Variants in EMB observed in about 807,000 individuals in gnomAD.
The protein encoded by EMB is embigin homolog.
EMB carries 31 observed loss-of-function variants against 41.4 expected under a neutral mutation model. The observed-to-expected ratio is 0.75, with a 90% confidence interval of 0.56 to 1.01. EMB has a LOEUF of 1.01. Among genes scored for constraint, EMB ranks in the 50% least tolerant of loss-of-function variants. EMB has a pLI of 0.00. For missense variants in EMB, 379 were observed against 388.3 expected (o/e 0.98, Z 0.20); for synonymous variants, 137 against 140.4 (o/e 0.98, Z 0.17).
At chr5:50,433,657 T>C (rs765690831) in intron 1 of EMB, among the ~76,000 whole-genome samples, 7 of 152,214 alleles carry the variant, frequency 4.6e-5, no homozygotes, top group South Asian at 2.1e-4. Flanking sequence ...CTTGTCACAA[T>C]TGGGGGAAGA....
At chr5:50,411,908 G>C (rs1054640773) in intron 2 of EMB, 15 of 152,078 alleles carry the variant, frequency 9.9e-5, no homozygotes, top group African/African-American at 3.6e-4. Flanking sequence ...GTAAGGACTG[G>C]ATATAGACAT....
chr5:50,433,903 C>A (rs1284168227), intron 1 of EMB, among the ~76,000 whole-genome samples: 1 of 152,192 alleles, frequency 6.6e-6, no homozygotes, highest in Non-Finnish European at 1.5e-5. Flanking sequence ...GCAACCTTGG[C>A]ATTCCTTGGC....
At chr5:50,408,123 G>A (rs546549388) in intron 4 of EMB, among the ~76,000 whole-genome samples, 25 of 151,966 alleles carry the variant, frequency 1.6e-4, no homozygotes, top group Non-Finnish European at 4.4e-5. Flanking sequence ...TACTTCCAGG[G>A]GAAGACAGAT....
chr5:50,399,690 G>A (rs935875371), intron 8 of EMB, among the ~76,000 whole-genome samples, 169 bp downstream of exon 8: 30 of 151,958 alleles, frequency 2.0e-4, no homozygotes, highest in African/African-American at 6.7e-4. Context: ...ATTTATTTTT[G>A]TATAACTATA....
At chr5:50,424,065 T>C (rs1205209089) in intron 2 of EMB, among the ~76,000 whole-genome samples, 1 of 152,180 alleles carries the variant, frequency 6.6e-6, no homozygotes, top group African/African-American at 2.4e-5. Flanking sequence ...CCTTGTTTTT[T>C]ATATTTTTGT....
chr5:50,443,020 T>A (rs1745939771), upstream of EMB: 1 of 151,990 alleles, frequency 6.6e-6, no homozygotes, highest in South Asian at 2.1e-4. Flanking sequence ...GAAATATAAT[T>A]CTCATTTTGC....
At chr5:50,435,980 G>A (rs1457028672) in intron 1 of EMB, among the ~76,000 whole-genome samples, 1 of 151,944 alleles carries the variant, frequency 6.6e-6, no homozygotes, top group Non-Finnish European at 1.5e-5. Context: ...GATGTTCTAG[G>A]CTTATCTGCT....
Position 50,396,930 on chromosome 5 carries a change from C to A in EMB, c.*2343G>T, listed in dbSNP as rs1209428259. On this transcript the variant is annotated 3_prime_UTR_variant, in exon 9 of 9. Coordinates refer to ENST00000303221, the MANE Select transcript of EMB (RefSeq NM_198449.3). Reference sequence around the variant, plus strand: ...GAAGAAGAAAATATCAGAATGAGTTCTAAATTAGGGCCTGAGCAGCTAGAT... The same window carrying A: ...GAAGAAGAAAATATCAGAATGAGTTATAAATTAGGGCCTGAGCAGCTAGAT... The A allele has an allele frequency of 6.6e-6, 1 of 151,934 alleles. No individual in the cohort carries two copies. The highest frequency in any genetic ancestry group is 1.5e-5 in the Non-Finnish European group (1 of 67,992). The allele number at this position is 151,934 out of a possible 1,614,324, so 9.4% of individuals were successfully genotyped here.
rs1308448867 is a variant in EMB at position 50,398,634 on chromosome 5, T to C, written c.*639A>G. ...TATGAGTGGAATAAAGACTGGAAAA[T>C]TTGCTTTTGTAGTGCAGAGCTTTAG... On this transcript the variant is annotated 3_prime_UTR_variant, in exon 9 of 9. Coordinates refer to ENST00000303221, the MANE Select transcript of EMB (RefSeq NM_198449.3). The C allele has an allele frequency of 2.6e-5, 4 of 151,982 alleles. No homozygotes were observed. The highest frequency in any genetic ancestry group is 9.7e-5 in the African/African-American group (4 of 41,400). 9.4% of individuals were successfully genotyped at this position (151,982 alleles called of 1,614,324 possible). A position where few individuals can be genotyped will look rare whatever the true frequency, so the allele number is the denominator to read the frequency against.
intron 1 of EMB, chr5:50,428,829 G>A: frequency 1.5e-6 from 1 of 666,842 alleles, no homozygotes; most frequent in Non-Finnish European, 1.9e-6. Flanking sequence ...AAAGAAACAA[G>A]GTTTCTATTT....
In EMB at chr5:50,434,831, GGAGTA is replaced by G. The variant is rs1745778196; in HGVS notation, c.112+6204_112+6208del. 2.0e-5 allele frequency among the ~76,000 whole-genome samples: 3 copies of G among 152,160 alleles called. No homozygotes were observed. The South Asian group carries it at 6.2e-4, about 32-fold the overall frequency. The stretch of plus-strand genomic sequence containing the variant: ...GTTTAAATAGTGGCAATTTTTATTA[GGAGTA>G]GAGTTTATTTTTAGCAAAGTGTTGT... On this transcript the variant is annotated intron_variant, in intron 1 of 8. Transcript: ENST00000303221.
intron 1 of EMB, among the ~76,000 whole-genome samples, chr5:50,429,435 T>C (rs1365800088): frequency 2.0e-5 from 3 of 152,258 alleles, no homozygotes; most frequent in Non-Finnish European, 2.9e-5. Context: ...TCCAGTTCTT[T>C]CATTTTCTTA....
At chr5:50,442,056 G>A (rs1324413578), upstream of EMB, among the ~76,000 whole-genome samples, 3 of 152,114 alleles carry the variant, frequency 2.0e-5, no homozygotes, top group East Asian at 5.8e-4. Flanking sequence ...AATCTATATT[G>A]TAACATTGAA....
intron 2 of EMB, among the ~76,000 whole-genome samples, chr5:50,420,829 G>C (rs2111825108): frequency 6.6e-6 from 1 of 152,258 alleles, no homozygotes; most frequent in Non-Finnish European, 1.5e-5. Flanking sequence ...GAAGGTTCAA[G>C]CATATTAAAA....
intron 7 of EMB, among the ~76,000 whole-genome samples, chr5:50,400,505 A>G (rs1329123912): frequency 2.0e-5 from 3 of 151,888 alleles, no homozygotes; most frequent in Non-Finnish European, 4.4e-5. Context: ...GATAATTAAT[A>G]TTTTCTAAAA....
At position 50,403,177 on chromosome 5, in the gene EMB, C is replaced by A. The variant is rs767201959; in HGVS notation, c.877+1G>T. 2 of 1,588,126 alleles carry A rather than the reference C, an allele frequency of 1.3e-6. No individual in the cohort carries two copies. The highest frequency in any genetic ancestry group is 4.5e-5 in the East Asian group (2 of 44,568). On this transcript the variant is annotated splice_donor_variant, in intron 6 of 8. Coordinates refer to ENST00000303221, the MANE Select transcript of EMB (RefSeq NM_198449.3). LOFTEE classifies it high-confidence loss of function. ...CAAAAAACAAAAAAAAGAAATCCCA[C>A]CTGAGTGCTTCTTTTTCTTTTGTGT...
At chr5:50,441,685 C>G (rs534012700), upstream of EMB, among the ~76,000 whole-genome samples, 7 of 152,320 alleles carry the variant, frequency 4.6e-5, no homozygotes, top group South Asian at 1.5e-3. Flanking sequence ...ATCCAGCTGC[C>G]AGACAACTTG....
chr5:50,437,712 A>C (rs1393704862), intron 1 of EMB, among the ~76,000 whole-genome samples: 1 of 152,062 alleles, frequency 6.6e-6, no homozygotes, highest in African/African-American at 2.4e-5. Context: ...TATTTGCTTC[A>C]AAAATATTTA....
intron 2 of EMB, among the ~76,000 whole-genome samples, chr5:50,416,341 T>G (rs545684767): frequency 3.3e-5 from 5 of 152,342 alleles, no homozygotes; most frequent in Admixed American, 6.5e-5. Flanking sequence ...TATAGTAATT[T>G]ATACCTGTCT....
Sources: allele counts gnomAD v4.1 joint callset (sites outside exome capture counted in the v4.1 genomes callset), GRCh38; gene constraint gnomAD v4.1.1; transcripts MANE v1.5; gene names NCBI Gene and HGNC (gene_info 2026-07-23, HGNC 2026-07-21).